The following TBC1D8B variants were observed in gnomAD, a reference collection of about 807,000 sequenced individuals.
TBC1D8B encodes the protein TBC1 domain family member 8B.
A neutral mutation model predicts 82.9 loss-of-function variants in TBC1D8B; 75 were observed. That is an observed-to-expected ratio of 0.90 (90% CI 0.75 to 1.10). The LOEUF is 1.10. Ranked by LOEUF, TBC1D8B falls within the 50% of genes least tolerant of loss-of-function variation. TBC1D8B has a pLI of 0.00. For synonymous variants in TBC1D8B, 276 were observed against 276.8 expected, an observed-to-expected ratio of 1.00 and a Z score of 0.03; for missense variants, 794 against 796.9, an observed-to-expected ratio of 1.00 and a Z score of 0.04.
intron 14 of TBC1D8B, among the ~76,000 whole-genome samples, chrX:106,859,023 G>A (rs1932749154): frequency 9.0e-6 from 1 of 111,705 alleles, no homozygotes; most frequent in African/African-American, 3.3e-5. Flanking sequence ...GGTTATAGGT[G>A]TGCAGCTTTA....
chrX:106,823,430 A>T lies in TBC1D8B; in HGVS notation c.791A>T (p.Asp264Val). 1 of 1,210,235 alleles carries T rather than the reference A, an allele frequency of 8.3e-7. No homozygotes were observed. The highest frequency in any genetic ancestry group is 1.1e-6 in the Non-Finnish European group (1 of 894,375). ...RLFDKETFDN[D>V]PVLYNPLQIT... ...TTTGATAAGGAAACATTTGATAATG[A>T]CCCAGTCCTTTATAATCCTCTACAG... The change falls in exon 5 of 21, where the codon GAC (aspartate) becomes GTC (valine). Residue 264 changes from aspartate (D) to valine (V), a missense_variant. Coordinates refer to ENST00000357242, the MANE Select transcript of TBC1D8B (RefSeq NM_017752.3).
Position 106,840,567 on chromosome X carries a change from A to G in TBC1D8B, c.1505-103A>G, listed in dbSNP as rs958520480. 2.5e-5 allele frequency: 19 copies of G among 753,609 alleles called. No individual in the cohort carries two copies. In the African/African-American group the frequency reaches 3.2e-4, roughly 13 times the overall value. The allele number at this position is 753,609 out of a possible 1,213,427, so 62.1% of individuals were successfully genotyped here. Reference sequence around the variant, plus strand: ...TTGTGCTCAGAAATCACTTAAGCATAAGGCTAAATATCAAGGTAATGAAAT... The same window carrying G: ...TTGTGCTCAGAAATCACTTAAGCATGAGGCTAAATATCAAGGTAATGAAAT... On this transcript the variant is annotated intron_variant, in intron 9 of 20. Transcript: ENST00000357242.
chrX:106,823,213 C>T lies in TBC1D8B; in HGVS notation c.587-13C>T, dbSNP rs750731419. The T allele has an allele frequency of 8.4e-7, 1 of 1,197,374 alleles. No individual in the cohort carries two copies. The highest frequency in any genetic ancestry group is 1.8e-5 in the South Asian group (1 of 55,433). On this transcript the variant is annotated splice_polypyrimidine_tract_variant and intron_variant, in intron 4 of 20. Transcript: ENST00000357242. ...AAAATTTAATCATACCTGCTTATAC[C>T]TCTTATTTGCAGTAAAACTCATTAT...
chrX:106,810,306 G>A (rs1173219611), intron 1 of TBC1D8B, among the ~76,000 whole-genome samples: 4 of 111,444 alleles, frequency 3.6e-5, no homozygotes, highest in South Asian at 3.8e-4. Flanking sequence ...GAGGGGGGAC[G>A]TTCTAAGTAG....
chrX:106,825,074 G>A (rs765061324), intron 5 of TBC1D8B, among the ~76,000 whole-genome samples: 1 of 110,278 alleles, frequency 9.1e-6, no homozygotes, highest in East Asian at 2.9e-4. Flanking sequence ...CACATAAATG[G>A]ACTTTATTTT....
chrX:106,831,179 T>C (rs1166662965), intron 7 of TBC1D8B, among the ~76,000 whole-genome samples: 2 of 111,450 alleles, frequency 1.8e-5, no homozygotes, highest in African/African-American at 6.5e-5. Flanking sequence ...TTATTGGCTA[T>C]ATTATTTTAT....
chrX:106,873,672 C>T lies in TBC1D8B; in HGVS notation c.3070C>T (p.Leu1024Phe), dbSNP rs1465976247. 1 of 1,211,490 alleles carries T rather than the reference C, an allele frequency of 8.3e-7. No homozygotes were observed. Among genetic ancestry groups the T allele is most frequent in the Non-Finnish European group, 1.1e-6 (1 of 895,341 alleles). The change falls in exon 21 of 21, where the codon CTC (leucine) becomes TTC (phenylalanine). Residue 1024 changes from leucine (L) to phenylalanine (F), a missense_variant. Physicochemically the swap from Leu to Phe is conservative, Grantham distance 22. Transcript: ENST00000357242. Reference protein sequence around the residue: ...QAIAVVTSLLLRMEEVGRKLH... With the variant: ...QAIAVVTSLLFRMEEVGRKLH... ...CATTGCTGTTGTAACCAGCCTTTTACTCAGGATGGAAGAAGTTGGAAGGAA... is the reference window on the plus strand; with the variant it reads ...CATTGCTGTTGTAACCAGCCTTTTATTCAGGATGGAAGAAGTTGGAAGGAA...
chrX:106,863,088 G>T (rs1932790120), intron 14 of TBC1D8B, among the ~76,000 whole-genome samples: 1 of 111,798 alleles, frequency 8.9e-6, no homozygotes, highest in African/African-American at 3.2e-5. Flanking sequence ...ATCCATGCTT[G>T]CTCGTGCATG....
intron 7 of TBC1D8B, chrX:106,827,538 C>A: frequency 2.7e-6 from 1 of 369,880 alleles, no homozygotes; most frequent in Non-Finnish European, 4.6e-6. Flanking sequence ...TTTTAGGAAC[C>A]CATACATTAT....
intron 16 of TBC1D8B, among the ~76,000 whole-genome samples, chrX:106,866,512 C>T (rs1345422524): frequency 8.9e-6 from 1 of 112,025 alleles, no homozygotes; most frequent in African/African-American, 3.2e-5. Flanking sequence ...ACAGTTCTCT[C>T]CTGCACAGGC....
intron 7 of TBC1D8B, among the ~76,000 whole-genome samples, chrX:106,835,353 G>C (rs1444262258): frequency 8.9e-6 from 1 of 112,409 alleles, no homozygotes; most frequent in South Asian, 3.7e-4. Context: ...GGATGCAGGG[G>C]ACCATGTCCT....
intron 1 of TBC1D8B, chrX:106,814,210 G>C (rs1283452363): frequency 9.0e-6 from 1 of 111,219 alleles, no homozygotes; most frequent in Non-Finnish European, 1.9e-5. Context: ...TGGCTGTATA[G>C]TATTCCATGG....
At chrX:106,843,229 A>G (rs1431861676) in intron 10 of TBC1D8B, among the ~76,000 whole-genome samples, 1 of 111,854 alleles carries the variant, frequency 8.9e-6, no homozygotes, top group African/African-American at 3.2e-5. Flanking sequence ...TCTGGGTTAT[A>G]TGATAACTGT....
At chrX:106,807,619 T>C (rs989924668) in intron 1 of TBC1D8B, among the ~76,000 whole-genome samples, 10 of 111,408 alleles carry the variant, frequency 9.0e-5, no homozygotes, top group African/African-American at 3.3e-4. Context: ...CCTACAAGGC[T>C]GCCCTTTCTT....
intron 7 of TBC1D8B, chrX:106,827,939 T>A (rs1351498443): frequency 1.8e-5 from 2 of 110,152 alleles, no homozygotes; most frequent in African/African-American, 6.6e-5. Context: ...ATAACTAAAA[T>A]CAGAGCAGAA....
chrX:106,857,860 A>G (rs144312690), intron 14 of TBC1D8B, among the ~76,000 whole-genome samples: 2,794 of 112,603 alleles, frequency 0.025, 35 homozygotes, highest in Non-Finnish European at 0.037. Context: ...ATTGCAAATA[A>G]TGCTGTGACA....
At chrX:106,827,364 A>G in intron 7 of TBC1D8B, 27 bp downstream of exon 7, 1 of 1,203,328 alleles carries the variant, frequency 8.3e-7, no homozygotes, top group Non-Finnish European at 1.1e-6. Flanking sequence ...CAATCAAATC[A>G]TTTGGAAAAA....
intron 11 of TBC1D8B, chrX:106,849,504 C>T (rs1754709255): frequency 2.0e-6 from 2 of 1,004,397 alleles, no homozygotes; most frequent in Middle Eastern, 4.1e-4. Flanking sequence ...GCCCTGGCTT[C>T]TCTTGATTGA....
chrX:106,828,638 T>C (rs1363868567), intron 7 of TBC1D8B: 3 of 109,298 alleles, frequency 2.7e-5, no homozygotes, highest in African/African-American at 1.0e-4. Context: ...TGGTTCAATA[T>C]ACACAAATCA....
Sources: allele counts gnomAD v4.1 joint callset (sites outside exome capture counted in the v4.1 genomes callset), GRCh38; gene constraint gnomAD v4.1.1; transcripts MANE v1.5; gene names NCBI Gene and HGNC (gene_info 2026-07-23, HGNC 2026-07-21).